Variants in VSIG1 observed in about 807,000 individuals in gnomAD.
The protein encoded by VSIG1 is V-set and immunoglobulin domain-containing protein 1.
VSIG1 carries 11 observed loss-of-function variants against 20.1 expected under a neutral mutation model. That is an observed-to-expected ratio of 0.55 (90% CI 0.34 to 0.91). VSIG1 has a LOEUF of 0.91. Among genes scored for constraint, VSIG1 ranks in the 40% least tolerant of loss-of-function variants. The pLI, the probability that VSIG1 is intolerant of heterozygous loss-of-function variation, is 0.02. For synonymous variants in VSIG1, 126 were observed against 116.7 expected, an observed-to-expected ratio of 1.08 and a Z score of -0.52; for missense variants, 283 against 298.8, an observed-to-expected ratio of 0.95 and a Z score of 0.39.
chrX:108,064,244 G>C (rs1256043002), intron 2 of VSIG1, among the ~76,000 whole-genome samples: 1 of 111,820 alleles, frequency 8.9e-6, no homozygotes, highest in Non-Finnish European at 1.9e-5. Flanking sequence ...ACTTCTTACA[G>C]AGAACTGTGA....
chrX:108,067,689 G>A (rs1269191236), intron 3 of VSIG1, among the ~76,000 whole-genome samples: 1 of 112,087 alleles, frequency 8.9e-6, no homozygotes, highest in East Asian at 2.8e-4. Flanking sequence ...ATGATATTGG[G>A]CAAGCCGTAT....
chrX:108,068,417 T>C (rs1392054977), intron 3 of VSIG1, among the ~76,000 whole-genome samples: 1 of 111,829 alleles, frequency 8.9e-6, no homozygotes, highest in Non-Finnish European at 1.9e-5. Flanking sequence ...TACCTGAGAC[T>C]GGGTAATTTA....
chrX:108,050,440 C>T (rs1371773618), intron 1 of VSIG1, among the ~76,000 whole-genome samples: 2 of 111,937 alleles, frequency 1.8e-5, no homozygotes, highest in Non-Finnish European at 3.8e-5. Flanking sequence ...CTTTCTCTTC[C>T]AGTGCTTGCC....
chrX:108,032,653 C>T, the VSIG1 span, among the ~76,000 whole-genome samples: 1 of 111,550 alleles, frequency 9.0e-6, no homozygotes, highest in Admixed American at 9.5e-5. Context: ...ACCCTACAGA[C>T]AACTGGAGAA....
chrX:108,073,989 A>G (rs1001756593), intron 5 of VSIG1: 11 of 111,263 alleles, frequency 9.9e-5, no homozygotes, highest in African/African-American at 3.6e-4. Context: ...CTAAACCTCA[A>G]TTTTCCTATT....
chrX:108,046,748 G>T (rs1186074950), intron 1 of VSIG1, among the ~76,000 whole-genome samples: 1 of 111,167 alleles, frequency 9.0e-6, no homozygotes. Context: ...TTTAAAAATT[G>T]GGTTTATTCC....
chrX:108,076,629 T>G (rs1229492318), intron 6 of VSIG1, among the ~76,000 whole-genome samples: 1 of 112,105 alleles, frequency 8.9e-6, no homozygotes, highest in Non-Finnish European at 1.9e-5. Flanking sequence ...ATCACTCTAT[T>G]TCTTTCCTAG....
At position 108,045,190 on chromosome X, in the gene VSIG1, G is replaced by A. The variant is rs762669563; in HGVS notation, c.49+11G>A. 95 of 1,168,281 alleles carry A rather than the reference G, an allele frequency of 8.1e-5. No individual in the cohort carries two copies. In the South Asian group the frequency reaches 1.8e-3, roughly 23 times the overall value. On this transcript the variant is annotated intron_variant, in intron 1 of 6. Transcript: ENST00000217957. ...TAAGCTGCCTTGCAGGTAAGGAAAG[G>A]ATCTCCAAACCACCAAATATAATTG...
At chrX:108,070,185 A>G (rs2031210353) in intron 3 of VSIG1, among the ~76,000 whole-genome samples, 1 of 112,700 alleles carries the variant, frequency 8.9e-6, no homozygotes, top group African/African-American at 3.2e-5. Flanking sequence ...TGATTTAGGG[A>G]AGGTTTAAGA....
intron 1 of VSIG1, among the ~76,000 whole-genome samples, chrX:108,047,429 TAG>T (rs2030605496): frequency 9.0e-6 from 1 of 111,344 alleles, no homozygotes; most frequent in South Asian, 3.7e-4. Context: ...AAATATGTAT[TAG>T]TCACCTCTTA....
rs144418706 is a variant in VSIG1 at position 108,072,702 on chromosome X, C to A, written c.438C>A (p.Ser146Arg). The A allele has an allele frequency of 4.1e-6, 5 of 1,209,384 alleles. No homozygotes were observed. The highest frequency in any genetic ancestry group is 4.4e-5 in the Admixed American group (2 of 45,708). Residue 146 changes from serine (S) to arginine (R), a missense_variant, in exon 4 of 7, where the codon AGC (serine) becomes AGA (arginine). Physicochemically the swap from Ser to Arg is moderately radical, Grantham distance 110 (BLOSUM62 -1). Transcript: ENST00000217957. ...VLVKPSKPLC[S>R]VQGRPETGHT... Reference sequence around the variant, plus strand: ...TGAAACCTTCTAAGCCCCTTTGTAGCGTTCAAGGAAGACCAGAAACTGGCC... The same window carrying A: ...TGAAACCTTCTAAGCCCCTTTGTAGAGTTCAAGGAAGACCAGAAACTGGCC...
intron 1 of VSIG1, among the ~76,000 whole-genome samples, chrX:108,047,855 T>TATATATACACATATATATAC (rs1569287117): frequency 5.1e-5 from 2 of 39,586 alleles, no homozygotes. Flanking sequence ...CATATATATA[T>TATATATACACATATATATAC]ACACATATAT....
At position 108,077,730 on chromosome X, in the gene VSIG1, A is replaced by G. The variant is rs1453550156; in HGVS notation, c.*349A>G. 4 of 172,112 alleles carry G rather than the reference A, an allele frequency of 2.3e-5. No individual in the cohort carries two copies. Among genetic ancestry groups the G allele is most frequent in the Non-Finnish European group, 3.2e-5 (3 of 92,697 alleles). The allele number at this position is 172,112 out of a possible 1,213,427, so 14.2% of individuals were successfully genotyped here. The stretch of plus-strand genomic sequence containing the variant: ...ACTACTCTTTTTTTTTATTTTAGAC[A>G]GAGTCTTGCTCCGTCGCGCAGGCTG... On this transcript the variant is annotated 3_prime_UTR_variant, in exon 7 of 7. Transcript: ENST00000217957.
chrX:108,071,641 T>C (rs921392118), intron 3 of VSIG1, among the ~76,000 whole-genome samples: 1 of 110,421 alleles, frequency 9.1e-6, no homozygotes, highest in African/African-American at 3.3e-5. Flanking sequence ...TGGAGGCCTC[T>C]TCCCCTCTCT....
the VSIG1 span, among the ~76,000 whole-genome samples, chrX:108,036,200 G>C: frequency 1.9e-5 from 2 of 105,774 alleles, no homozygotes; most frequent in African/African-American, 7.0e-5. Flanking sequence ...ACTCAGGTAT[G>C]GCATTTTTAA....
chrX:108,045,909 G>A lies in VSIG1; in HGVS notation c.49+730G>A, dbSNP rs766242128. On this transcript the variant is annotated intron_variant, in intron 1 of 6. Coordinates refer to ENST00000217957, the MANE Select transcript of VSIG1 (RefSeq NM_182607.5). ...CAATAATATTGTTTATCCAAAAACA[G>A]GATTTTCAAGCCATTAGTAATATTA... Among the ~76,000 whole-genome samples, 4 of 111,797 alleles carry A rather than the reference G, an allele frequency of 3.6e-5. No homozygotes were observed. The East Asian group carries it at 1.1e-3, about 31-fold the overall frequency.
intron 2 of VSIG1, 147 bp from the exon 3 acceptor site, chrX:108,066,789 G>A: frequency 1.9e-6 from 1 of 532,037 alleles, no homozygotes; most frequent in Non-Finnish European, 3.0e-6. Flanking sequence ...CCACTGAGTT[G>A]AGAAACCTTG....
In VSIG1 at chrX:108,078,830, T is replaced by G. The variant is rs1011251761; in HGVS notation, c.*1449T>G. 1 of 112,139 alleles carries G rather than the reference T, an allele frequency of 8.9e-6. No individual in the cohort carries two copies. 9.2% of individuals were successfully genotyped at this position (112,139 alleles called of 1,213,427 possible). On this transcript the variant is annotated 3_prime_UTR_variant, in exon 7 of 7. Coordinates refer to ENST00000217957, the MANE Select transcript of VSIG1 (RefSeq NM_182607.5). ...TTCTAAGTGAACTCTTAAGATCTAT[T>G]TTAGATAATTTCAACTAATTAAATA...
chrX:108,057,130 G>A (rs1378774416), intron 1 of VSIG1, among the ~76,000 whole-genome samples: 1 of 112,278 alleles, frequency 8.9e-6, no homozygotes, highest in African/African-American at 3.2e-5. Flanking sequence ...AGTAAAAAGA[G>A]TCATCAATTC....
Sources: gnomAD v4.1 joint callset for allele counts (sites outside exome capture counted in the v4.1 genomes callset) on GRCh38, gnomAD v4.1.1 for gene constraint, MANE v1.5 for transcripts, NCBI Gene and HGNC (gene_info 2026-07-23, HGNC 2026-07-21) for gene names.